The following APBB2 variants were observed in gnomAD, a reference collection of about 807,000 sequenced individuals.
APBB2 encodes the protein amyloid beta precursor protein binding family B member 2.
APBB2 carries 38 observed loss-of-function variants against 82.5 expected under a neutral mutation model. That is an observed-to-expected ratio of 0.46 (90% CI 0.36 to 0.60). The LOEUF (loss-of-function observed/expected upper bound fraction) is 0.60, where lower values mean the gene tolerates loss of function less well. APBB2 is among the 20% of genes least tolerant of loss of function. The pLI is 0.00. For synonymous variants in APBB2, 341 were observed against 368.2 expected (o/e 0.93, Z 0.85); for missense variants, 772 against 972.3 (o/e 0.79, Z 2.74).
At chr4:40,902,287 T>C (rs982268769) in intron 10 of APBB2, among the ~76,000 whole-genome samples, 1 of 152,198 alleles carries the variant, frequency 6.6e-6, no homozygotes, top group African/African-American at 2.4e-5. Context: ...TGTATGTGTG[T>C]ACGTGAATCA....
At chr4:40,867,498 C>T (rs1392976742) in intron 12 of APBB2, among the ~76,000 whole-genome samples, 1 of 152,048 alleles carries the variant, frequency 6.6e-6, no homozygotes, top group Admixed American at 6.6e-5. Context: ...GAGGTGAAGC[C>T]AAAATTTGAA....
intron 6 of APBB2, among the ~76,000 whole-genome samples, chr4:40,946,185 TC>T (rs1253868444): frequency 7.5e-6 from 1 of 133,632 alleles, no homozygotes; most frequent in Non-Finnish European, 1.5e-5. Context: ...TGAGCTGAGA[TC>T]ACACCGTTGC....
intron 13 of APBB2, 78 bp downstream of exon 13, chr4:40,830,385 C>G (rs1368524919): frequency 1.0e-6 from 1 of 976,590 alleles, no homozygotes; most frequent in Non-Finnish European, 1.7e-6. Flanking sequence ...GATGTGCCCA[C>G]TCCCCCGCCC....
At chr4:41,133,210 T>C (rs1580302874) in intron 2 of APBB2, among the ~76,000 whole-genome samples, 1 of 152,364 alleles carries the variant, frequency 6.6e-6, no homozygotes, top group African/African-American at 2.4e-5. Context: ...TACTTCATTC[T>C]TTACAAATAT....
At chr4:41,202,816 A>G (rs1257026206) in intron 1 of APBB2, among the ~76,000 whole-genome samples, 1 of 152,230 alleles carries the variant, frequency 6.6e-6, no homozygotes, top group African/African-American at 2.4e-5. Flanking sequence ...ATATAAAGAA[A>G]TTGTTCTTGA....
chr4:41,164,372 A>G (rs1386238339), intron 1 of APBB2, among the ~76,000 whole-genome samples: 1 of 152,190 alleles, frequency 6.6e-6, no homozygotes, highest in Non-Finnish European at 1.5e-5. Context: ...GCACATTACA[A>G]TCTCTGAATC....
At chr4:41,092,606 T>C (rs1742126981) in intron 3 of APBB2, among the ~76,000 whole-genome samples, 1 of 151,768 alleles carries the variant, frequency 6.6e-6, no homozygotes. Flanking sequence ...GGAGAATCGC[T>C]TGAACCCGAG....
chr4:41,171,792 CTACCAAAAG>C (rs1423352868), intron 1 of APBB2, among the ~76,000 whole-genome samples: 2 of 152,154 alleles, frequency 1.3e-5, no homozygotes, highest in Non-Finnish European at 2.9e-5. Context: ...AACCCCATCT[CTACCAAAAG>C]TACAAAAAAA....
At chr4:41,159,463 T>C (rs1580492600) in intron 1 of APBB2, among the ~76,000 whole-genome samples, 1 of 152,130 alleles carries the variant, frequency 6.6e-6, no homozygotes, top group African/African-American at 2.4e-5. Context: ...AAGAGATGAG[T>C]ATTAACATTC....
At chr4:40,860,658 G>A (rs1187172048) in intron 12 of APBB2, among the ~76,000 whole-genome samples, 1 of 152,104 alleles carries the variant, frequency 6.6e-6, no homozygotes, top group Non-Finnish European at 1.5e-5. Context: ...AAACCTGAGG[G>A]TGGTCTCATT....
intron 12 of APBB2, among the ~76,000 whole-genome samples, chr4:40,860,801 T>C (rs561095878): frequency 6.6e-6 from 1 of 152,346 alleles, no homozygotes; most frequent in African/African-American, 2.4e-5. Context: ...TTTTTTTATA[T>C]GACCAGGTAA....
At chr4:41,134,404 C>G (rs1252091027) in intron 2 of APBB2, among the ~76,000 whole-genome samples, 1 of 152,060 alleles carries the variant, frequency 6.6e-6, no homozygotes, top group Non-Finnish European at 1.5e-5. Flanking sequence ...ATGGTGAAAC[C>G]CCATCTCTAC....
chr4:40,951,200 G>T (rs1790038685), intron 6 of APBB2, among the ~76,000 whole-genome samples: 2 of 152,158 alleles, frequency 1.3e-5, no homozygotes, highest in Non-Finnish European at 2.9e-5. Flanking sequence ...TCTTCACTGG[G>T]CTGGCAGGAC....
At chr4:41,019,675 C>T (rs949806733) in intron 5 of APBB2, among the ~76,000 whole-genome samples, 2 of 151,936 alleles carry the variant, frequency 1.3e-5, no homozygotes, top group Non-Finnish European at 2.9e-5. Flanking sequence ...GGGGACTGCA[C>T]AGTAGAAACG....
intron 3 of APBB2, among the ~76,000 whole-genome samples, chr4:41,073,634 A>G (rs553623452): frequency 6.6e-6 from 1 of 152,308 alleles, no homozygotes; most frequent in Admixed American, 6.5e-5. Context: ...AAATCCTGAC[A>G]CCTCCAACTC....
At chr4:40,984,497 G>T (rs1453260983) in intron 6 of APBB2, among the ~76,000 whole-genome samples, 1 of 151,974 alleles carries the variant, frequency 6.6e-6, no homozygotes, top group Non-Finnish European at 1.5e-5. Context: ...AGGGTGGGGG[G>T]TCAGGGAGGT....
chr4:41,025,827 G>C (rs1372359745), intron 5 of APBB2, among the ~76,000 whole-genome samples: 1 of 150,022 alleles, frequency 6.7e-6, no homozygotes. Context: ...GCTGATGGCC[G>C]GAGAATCTCT....
intron 10 of APBB2, among the ~76,000 whole-genome samples, chr4:40,929,094 A>T (rs1461136107): frequency 6.6e-6 from 1 of 151,724 alleles, no homozygotes; most frequent in African/African-American, 2.4e-5. Context: ...TTGTACTGTG[A>T]TTCTGTAGGA....
chr4:40,885,508 G>A (rs7687738), intron 12 of APBB2, among the ~76,000 whole-genome samples: 5,739 of 152,154 alleles, frequency 0.038, 364 homozygotes, highest in African/African-American at 0.13. Context: ...CCAGATACCC[G>A]ATCTCGCAAG....
Sources: allele counts gnomAD v4.1 joint callset (sites outside exome capture counted in the v4.1 genomes callset), GRCh38; gene constraint gnomAD v4.1.1; transcripts MANE v1.5; gene names NCBI Gene and HGNC (gene_info 2026-07-23, HGNC 2026-07-21).